Variants in PTH observed in about 807,000 individuals in gnomAD.
The protein encoded by PTH is parathormone.
PTH carries 7 observed loss-of-function variants against 7.4 expected under a neutral mutation model. The ratio of observed to expected loss-of-function variants is 0.94; its 90% confidence interval spans 0.53 to 1.77. The LOEUF (loss-of-function observed/expected upper bound fraction) is 1.77. Among genes scored for constraint, PTH ranks in the 40% most tolerant of loss-of-function variants. The pLI is 0.00. For missense variants in PTH, 128 were observed against 137.1 expected (o/e 0.93, Z 0.33); for synonymous variants, 51 against 46.6 (o/e 1.09, Z -0.39).
chr11:13,496,031 C>T (rs1847531467), upstream of PTH: 1 of 152,010 alleles, frequency 6.6e-6, no homozygotes, highest in Admixed American at 6.6e-5. Flanking sequence ...ATATATAGGT[C>T]TTCTGCTTAC....
chr11:13,492,606 C>T lies in PTH; in HGVS notation c.147G>A (p.Met49Ile). 2 of 1,614,154 alleles carry T rather than the reference C, an allele frequency of 1.2e-6. No homozygotes were observed. The highest frequency in any genetic ancestry group is 1.7e-6 in the Non-Finnish European group (2 of 1,180,024). Residue 49 changes from methionine to isoleucine, a missense_variant, in exon 3 of 3, where the codon ATG becomes ATA. Physicochemically the swap from Met to Ile is conservative, Grantham distance 10. Coordinates refer to ENST00000282091, the MANE Select transcript of PTH (RefSeq NM_000315.4). Reference sequence around the variant, plus strand: ...TCTTACGCAGCCATTCTACTCTCTCCATCGAGTTCAGATGTTTTCCCAGGT... The same window carrying T: ...TCTTACGCAGCCATTCTACTCTCTCTATCGAGTTCAGATGTTTTCCCAGGT... Reference protein sequence around the residue: ...MHNLGKHLNSMERVEWLRKKL... With the variant: ...MHNLGKHLNSIERVEWLRKKL...
intron 1 of PTH, among the ~76,000 whole-genome samples, chr11:13,493,463 C>A (rs1847502767): frequency 6.6e-6 from 1 of 152,202 alleles, no homozygotes; most frequent in Non-Finnish European, 1.5e-5. Context: ...AAAAGAGCAA[C>A]TATTTAGCAC....
chr11:13,494,772 A>G (rs184721057), intron 1 of PTH, among the ~76,000 whole-genome samples: 7 of 152,290 alleles, frequency 4.6e-5, no homozygotes, highest in African/African-American at 1.4e-4. Flanking sequence ...CCCTTCTGTC[A>G]CACTGCAGAA....
chr11:13,492,593 A>G lies in PTH; in HGVS notation c.160T>C (p.Trp54Arg), dbSNP rs771537090. 1.2e-6 allele frequency: 2 copies of G among 1,614,160 alleles called. No homozygotes were observed. The highest frequency in any genetic ancestry group is 1.1e-5 in the South Asian group (1 of 91,084). ...KHLNSMERVEWLRKKLQDVHN... is the reference protein window; with the variant it reads ...KHLNSMERVERLRKKLQDVHN... Reference sequence around the variant, plus strand: ...ACATCCTGCAGCTTCTTACGCAGCCATTCTACTCTCTCCATCGAGTTCAGA... The same window carrying G: ...ACATCCTGCAGCTTCTTACGCAGCCGTTCTACTCTCTCCATCGAGTTCAGA... The change falls in exon 3 of 3, where the codon TGG becomes CGG. Residue 54 changes from tryptophan (W) to arginine (R), a missense_variant. Trp to Arg is a moderately radical substitution (Grantham distance 101, BLOSUM62 -3). Coordinates refer to ENST00000282091, the MANE Select transcript of PTH (RefSeq NM_000315.4).
chr11:13,492,721 T>C (rs1847490817), intron 2 of PTH, 49 bp downstream of exon 2: 2 of 1,613,908 alleles, frequency 1.2e-6, no homozygotes, highest in Non-Finnish European at 1.7e-6. Context: ...CACTTCGAAA[T>C]GATAAAGTCA....
rs1565290527 is a variant in PTH at position 13,492,794 on chromosome 11, G to C, written c.62C>G (p.Thr21Arg). Reference protein sequence around the residue: ...MIVMLAICFLTKSDGKSVKKR... With the variant: ...MIVMLAICFLRKSDGKSVKKR... ...CTTAACAGATTTCCCATCCGATTTT[G>C]TAAGAAAACAAATTGCCAACATGAC... Residue 21 changes from threonine (T) to arginine (R), a missense_variant, in exon 2 of 3, where the codon ACA (threonine) becomes AGA (arginine). Physicochemically the swap from Thr to Arg is moderately conservative, Grantham distance 71. Coordinates refer to ENST00000282091, the MANE Select transcript of PTH (RefSeq NM_000315.4). 6.2e-7 allele frequency: 1 copy of C among 1,613,936 alleles called. No homozygotes were observed. Among genetic ancestry groups the C allele is most frequent in the East Asian group, 2.2e-5 (1 of 44,876 alleles).
rs537534711 is a variant in PTH at position 13,492,221 on chromosome 11, G to T, written c.*184C>A. 6 of 623,550 alleles carry T rather than the reference G, an allele frequency of 9.6e-6. No individual in the cohort carries two copies. The East Asian group carries it at 1.4e-4, about 15-fold the overall frequency. The allele number at this position is 623,550 out of a possible 1,614,324, so 38.6% of individuals were successfully genotyped here. On this transcript the variant is annotated 3_prime_UTR_variant, in exon 3 of 3. Coordinates refer to ENST00000282091, the MANE Select transcript of PTH (RefSeq NM_000315.4). ...AAAAGATAATTAAAATAACTCAAAT[G>T]AATAAAAGTGGAATCAGAATAATCA...
intron 1 of PTH, among the ~76,000 whole-genome samples, chr11:13,493,083 TTTTATTTATTTA>T (rs141879370): frequency 1.3e-5 from 2 of 149,510 alleles, no homozygotes; most frequent in African/African-American, 4.9e-5. Context: ...CTTGTGCAAG[TTTTATTTATTTA>T]TTTATTTATT....
At chr11:13,493,678 A>G (rs759427050) in intron 1 of PTH, among the ~76,000 whole-genome samples, 2 of 152,244 alleles carry the variant, frequency 1.3e-5, no homozygotes, top group African/African-American at 4.8e-5. Context: ...TCATTGCATG[A>G]TGACAGAGTA....
intron 1 of PTH, among the ~76,000 whole-genome samples, chr11:13,494,118 A>G (rs911922917): frequency 2.0e-5 from 3 of 152,118 alleles, no homozygotes; most frequent in South Asian, 4.1e-4. Context: ...GCTCACTTAG[A>G]AAAATTAGGC....
chr11:13,492,728 G>A, intron 2 of PTH, 42 bp downstream of exon 2: 5 of 1,613,800 alleles, frequency 3.1e-6, no homozygotes, highest in East Asian at 2.2e-5. Flanking sequence ...AAATGATAAA[G>A]TCAACATTAA....
intron 1 of PTH, 55 bp from the exon 2 acceptor site, chr11:13,492,915 A>G (rs1847494344): frequency 1.2e-5 from 18 of 1,466,434 alleles, no homozygotes; most frequent in African/African-American, 2.8e-5. Flanking sequence ...ATTCCAAACT[A>G]TAGTACACAG....
chr11:13,492,997 C>T (rs1847495601), intron 1 of PTH, 137 bp from the exon 2 acceptor site: 1 of 749,690 alleles, frequency 1.3e-6, no homozygotes. Context: ...TTTATGGATA[C>T]ATTAGTATAC....
rs903156816 is a variant in PTH, at chr11:13,492,063, A to G, written c.*342T>C. The G allele has an allele frequency of 2.3e-5, 6 of 261,962 alleles. No individual in the cohort carries two copies. Among genetic ancestry groups the G allele is most frequent in the Middle Eastern group, 1.4e-3 (1 of 704 alleles). The allele number at this position is 261,962 out of a possible 1,614,324, so 16.2% of individuals were successfully genotyped here. A position where few individuals can be genotyped will look rare whatever the true frequency, so the allele number is the denominator to read the frequency against. On this transcript the variant is annotated 3_prime_UTR_variant, in exon 3 of 3. Coordinates refer to ENST00000282091, the MANE Select transcript of PTH (RefSeq NM_000315.4). ...AAAGATATACTTGCAATGAGTGAGA[A>G]ATACTTCATTTATTTAGACTTATGA...
chr11:13,493,540 A>C (rs1591195057), intron 1 of PTH, among the ~76,000 whole-genome samples: 1 of 152,252 alleles, frequency 6.6e-6, no homozygotes, highest in Non-Finnish European at 1.5e-5. Flanking sequence ...TAAACATCAA[A>C]AATGTAACAC....
intron 1 of PTH, among the ~76,000 whole-genome samples, chr11:13,493,964 C>T (rs1279749285): frequency 1.3e-5 from 2 of 152,140 alleles, no homozygotes; most frequent in East Asian, 3.9e-4. Context: ...ATTTCCTTGT[C>T]ATTTATCAAT....
chr11:13,492,347 C>T lies in PTH; in HGVS notation c.*58G>A, dbSNP rs1847483721. ...TCTTAATAGAGCTTTGAATTAGCAGCATGTATTGTTGCCCTACACTGTCTA... is the reference window on the plus strand; with the variant it reads ...TCTTAATAGAGCTTTGAATTAGCAGTATGTATTGTTGCCCTACACTGTCTA... On this transcript the variant is annotated 3_prime_UTR_variant, in exon 3 of 3. Transcript: ENST00000282091. 7 of 1,592,384 alleles carry T rather than the reference C, an allele frequency of 4.4e-6. No individual in the cohort carries two copies. The highest frequency in any genetic ancestry group is 6.0e-6 in the Non-Finnish European group (7 of 1,171,930).
rs1252995081 is a variant in PTH at position 13,492,389 on chromosome 11, A to G, written c.*16T>C. On this transcript the variant is annotated 3_prime_UTR_variant, in exon 3 of 3. Coordinates refer to ENST00000282091, the MANE Select transcript of PTH (RefSeq NM_000315.4). ...CACTGTCTAGAGCAGAACTCTGACAATATCTGTTTTCATTTTCACTGGGAT... is the reference window on the plus strand; with the variant it reads ...CACTGTCTAGAGCAGAACTCTGACAGTATCTGTTTTCATTTTCACTGGGAT... The G allele has an allele frequency of 1.9e-6, 3 of 1,609,156 alleles. No individual in the cohort carries two copies. Among genetic ancestry groups the G allele is most frequent in the South Asian group, 1.1e-5 (1 of 91,076 alleles).
At chr11:13,495,596 T>C (rs1847527653) in intron 1 of PTH, among the ~76,000 whole-genome samples, 1 of 152,194 alleles carries the variant, frequency 6.6e-6, no homozygotes, top group South Asian at 2.1e-4. Flanking sequence ...CATCAACCTG[T>C]TTTATTTCAA....
Sources: gnomAD v4.1 joint callset for allele counts (sites outside exome capture counted in the v4.1 genomes callset) on GRCh38, gnomAD v4.1.1 for gene constraint, MANE v1.5 for transcripts, NCBI Gene and HGNC (gene_info 2026-07-23, HGNC 2026-07-21) for gene names.